The following STUM variants were observed in gnomAD, a reference collection of about 807,000 sequenced individuals.
The protein encoded by STUM is protein stum homolog.
Under a neutral mutation model 15.3 loss-of-function variants are expected in STUM, and 8 were observed. That is an observed-to-expected ratio of 0.52 (90% CI 0.31 to 0.94). The LOEUF is 0.94. STUM is among the 40% of genes least tolerant of loss of function. STUM has a pLI of 0.05. For missense variants in STUM, 142 were observed against 204.9 expected, an observed-to-expected ratio of 0.69 and a Z score of 1.87; for synonymous variants, 78 against 88.7, an observed-to-expected ratio of 0.88 and a Z score of 0.68.
chr1:226,550,639 T>C (rs1358138469), intron 1 of STUM, among the ~76,000 whole-genome samples: 1 of 151,368 alleles, frequency 6.6e-6, no homozygotes, highest in Non-Finnish European at 1.5e-5. Context: ...CACCCTATGG[T>C]CTTTTGAGGA....
At chr1:226,570,504 G>A (rs1377531488) in intron 1 of STUM, among the ~76,000 whole-genome samples, 1 of 152,198 alleles carries the variant, frequency 6.6e-6, no homozygotes. Context: ...CTGAACAGAT[G>A]CAGTCGCCAT....
chr1:226,553,480 A>G (rs1364158158), intron 1 of STUM, among the ~76,000 whole-genome samples: 2 of 152,250 alleles, frequency 1.3e-5, no homozygotes, highest in Non-Finnish European at 2.9e-5. Context: ...AAAAAGAAAA[A>G]AAGAGTCCAA....
intron 1 of STUM, among the ~76,000 whole-genome samples, chr1:226,557,883 A>C (rs1667472266): frequency 6.6e-6 from 1 of 152,210 alleles, no homozygotes; most frequent in African/African-American, 2.4e-5. Context: ...AAGGACAAAA[A>C]CCATATGATC....
At chr1:226,562,654 G>A (rs1006510957) in intron 1 of STUM, among the ~76,000 whole-genome samples, 4 of 152,106 alleles carry the variant, frequency 2.6e-5, no homozygotes, top group African/African-American at 9.7e-5. Flanking sequence ...GGAAACATCA[G>A]ACAAACCCAA....
Position 226,554,351 on chromosome 1 carries a change from TA to T in STUM, c.202+5247del, listed in dbSNP as rs565541394. Among the ~76,000 whole-genome samples, 65 of 152,338 alleles carry T rather than the reference TA, an allele frequency of 4.3e-4. No homozygotes were observed. The Middle Eastern group carries it at 0.01, about 24-fold the overall frequency. On this transcript the variant is annotated intron_variant, in intron 1 of 3. Transcript: ENST00000366788. ...CCAGCATGACATATGCAAAGCTGAC[TA>T]ACAGCAGATGGTAGGGTAGAGGCAT...
At chr1:226,578,264 T>C (rs1005932690) in intron 1 of STUM, among the ~76,000 whole-genome samples, 1 of 151,956 alleles carries the variant, frequency 6.6e-6, no homozygotes, top group Non-Finnish European at 1.5e-5. Context: ...AAAACTGAGA[T>C]AAGGTCTCAC....
chr1:226,566,379 G>A (rs993475701), intron 1 of STUM, among the ~76,000 whole-genome samples: 2 of 152,144 alleles, frequency 1.3e-5, no homozygotes, highest in African/African-American at 4.8e-5. Context: ...TGTGATTTGT[G>A]TGCAGACTTC....
chr1:226,563,386 C>T (rs1016647899), intron 1 of STUM, among the ~76,000 whole-genome samples: 3 of 152,212 alleles, frequency 2.0e-5, no homozygotes, highest in Non-Finnish European at 4.4e-5. Context: ...GAGATTTTTC[C>T]AGAGATCCTT....
chr1:226,583,532 C>G (rs1667950426), intron 1 of STUM, among the ~76,000 whole-genome samples: 1 of 152,202 alleles, frequency 6.6e-6, no homozygotes, highest in South Asian at 2.1e-4. Flanking sequence ...TCCTACAGGA[C>G]AGCATAAAGC....
intron 1 of STUM, among the ~76,000 whole-genome samples, chr1:226,579,423 TG>T (rs1667882026): frequency 6.6e-6 from 1 of 152,186 alleles, no homozygotes; most frequent in African/African-American, 2.4e-5. Context: ...ACTTGGTCCC[TG>T]TCCATGTGGT....
At chr1:226,593,161 G>T (rs930495004) in intron 1 of STUM, among the ~76,000 whole-genome samples, 2 of 150,018 alleles carry the variant, frequency 1.3e-5, no homozygotes, top group Non-Finnish European at 3.0e-5. Context: ...ACCCCAGCCT[G>T]GGGGACAGAG....
At chr1:226,593,559 G>C (rs1267243543) in intron 1 of STUM, among the ~76,000 whole-genome samples, 1 of 152,084 alleles carries the variant, frequency 6.6e-6, no homozygotes, top group Non-Finnish European at 1.5e-5. Flanking sequence ...TGAGGGCAGG[G>C]GTTCAGTTAG....
intron 1 of STUM, among the ~76,000 whole-genome samples, chr1:226,586,026 A>G (rs1043180946): frequency 2.0e-5 from 3 of 151,948 alleles, no homozygotes; most frequent in African/African-American, 7.3e-5. Context: ...AAGGGCATCA[A>G]TTCCATCATG....
At chr1:226,566,122 C>T (rs762704654) in intron 1 of STUM, among the ~76,000 whole-genome samples, 6 of 152,146 alleles carry the variant, frequency 3.9e-5, no homozygotes, top group Non-Finnish European at 8.8e-5. Context: ...TCCTCAGTTG[C>T]GTGGTTTGAT....
chr1:226,602,196 A>T lies in STUM; in HGVS notation c.*156A>T. The T allele has an allele frequency of 1.6e-6, 1 of 621,604 alleles. No homozygotes were observed. Among genetic ancestry groups the T allele is most frequent in the Non-Finnish European group, 2.8e-6 (1 of 356,356 alleles). 38.5% of individuals were successfully genotyped at this position (621,604 alleles called of 1,614,324 possible). A position where few individuals can be genotyped will look rare whatever the true frequency, so the allele number is the denominator to read the frequency against. On this transcript the variant is annotated 3_prime_UTR_variant, in exon 4 of 4. Transcript: ENST00000366788. ...AAAATATTATTTATTTTGAAAACGCATCTGCTTTTCTCAGCAGGTTGTGAG... is the reference window on the plus strand; with the variant it reads ...AAAATATTATTTATTTTGAAAACGCTTCTGCTTTTCTCAGCAGGTTGTGAG...
chr1:226,558,218 A>G (rs1667481178), intron 1 of STUM, among the ~76,000 whole-genome samples: 1 of 152,132 alleles, frequency 6.6e-6, no homozygotes, highest in Admixed American at 6.5e-5. Context: ...ATAATCCTAT[A>G]TATAGAAAAC....
At chr1:226,588,670 A>G (rs1463751716) in intron 1 of STUM, among the ~76,000 whole-genome samples, 1 of 152,194 alleles carries the variant, frequency 6.6e-6, no homozygotes, top group Non-Finnish European at 1.5e-5. Flanking sequence ...TAATTGCACA[A>G]TGAGGCAAAG....
rs978858780 is a variant in STUM at position 226,549,474 on chromosome 1, C to G, written c.202+368C>G. 6.6e-6 allele frequency among the ~76,000 whole-genome samples: 1 copy of G among 152,204 alleles called. No individual in the cohort carries two copies. The highest frequency in any genetic ancestry group is 1.5e-5 in the Non-Finnish European group (1 of 68,034). ...CCGTCGTGTGCATCCGTCCGCGAGCCCACTTCCCCGAGAGGAATGGGGTCG... is the reference window on the plus strand; with the variant it reads ...CCGTCGTGTGCATCCGTCCGCGAGCGCACTTCCCCGAGAGGAATGGGGTCG... On this transcript the variant is annotated intron_variant, in intron 1 of 3. Transcript: ENST00000366788. This position sits in a 1 kb window ranked among gnomAD's most constrained non-coding sequence, Gnocchi z 6.8.
At chr1:226,580,711 G>T (rs141850594) in intron 1 of STUM, among the ~76,000 whole-genome samples, 1 of 152,222 alleles carries the variant, frequency 6.6e-6, no homozygotes, top group African/African-American at 2.4e-5. Flanking sequence ...CCCCCTCACA[G>T]CCTTTATCAC....
Sources: allele counts gnomAD v4.1 joint callset (sites outside exome capture counted in the v4.1 genomes callset), GRCh38; gene constraint gnomAD v4.1.1; non-coding constraint Gnocchi (gnomAD v3.1); transcripts MANE v1.5; gene names NCBI Gene and HGNC (gene_info 2026-07-23, HGNC 2026-07-21).